The following LIX1L variants were observed in gnomAD, a reference collection of about 807,000 sequenced individuals.
LIX1L encodes limb and CNS expressed 1 like.
A neutral mutation model predicts 34.0 loss-of-function variants in LIX1L; 20 were observed. The ratio of observed to expected loss-of-function variants is 0.59; its 90% CI spans 0.41 to 0.85. The LOEUF is 0.85. Ranked by LOEUF, LIX1L falls within the 40% of genes least tolerant of loss-of-function variation. The pLI is 0.00. For missense variants in LIX1L, 397 were observed against 447.0 expected (o/e 0.89, Z 1.01); for synonymous variants, 170 against 187.4 (o/e 0.91, Z 0.76).
intron 1 of LIX1L, among the ~76,000 whole-genome samples, chr1:145,955,534 C>G (rs1177856236): frequency 6.6e-6 from 1 of 152,066 alleles, no homozygotes; most frequent in Admixed American, 6.6e-5. Flanking sequence ...CAGCCATTCC[C>G]CCAAATAACA....
At chr1:145,955,740 G>C (rs986357450) in intron 1 of LIX1L, among the ~76,000 whole-genome samples, 6 of 152,152 alleles carry the variant, frequency 3.9e-5, no homozygotes, top group African/African-American at 1.4e-4. Context: ...AGAAACTCAA[G>C]AATAATGAGA....
At position 145,957,814 on chromosome 1, in the gene LIX1L, G is replaced by A. The variant is rs1649540733; in HGVS notation, c.114C>T (p.Pro38=). Residue 38 remains proline (P), a synonymous_variant, in exon 1 of 6, where the codon CCC becomes CCT. Transcript: ENST00000604000. ...GCGGGGCAGGCGGGGGGCCCGCAGG[G>A]GGTGTGGCGGTGGCGGCCGCGGCCC... ...VTGAAAATAT[P]PAGPPPAPPP... 3 of 1,386,938 alleles carry A rather than the reference G, an allele frequency of 2.2e-6. No individual in the cohort carries two copies. The highest frequency in any genetic ancestry group is 2.8e-6 in the Non-Finnish European group (3 of 1,073,030). The allele number at this position is 1,386,938 out of a possible 1,614,324, so 85.9% of individuals were successfully genotyped here. A position where few individuals can be genotyped will look rare whatever the true frequency, so the allele number is the denominator to read the frequency against.
chr1:145,935,580 A>C lies in LIX1L; in HGVS notation c.*730T>G, dbSNP rs1354488946. The C allele has an allele frequency of 2.0e-5, 3 of 152,364 alleles. No individual in the cohort carries two copies. The highest frequency in any genetic ancestry group is 7.2e-5 in the African/African-American group (3 of 41,476). The allele number at this position is 152,364 out of a possible 1,614,324, so 9.4% of individuals were successfully genotyped here. On this transcript the variant is annotated 3_prime_UTR_variant, in exon 6 of 6. Coordinates refer to ENST00000604000, the MANE Select transcript of LIX1L (RefSeq NM_153713.3). ...TTAGAGGGAATACTGAAAGAGAATC[A>C]GTTTCAACCATAACCCCCATCTACT...
intron 1 of LIX1L, among the ~76,000 whole-genome samples, chr1:145,953,409 G>A (rs1649367726): frequency 6.6e-6 from 1 of 152,162 alleles, no homozygotes; most frequent in Non-Finnish European, 1.5e-5. Context: ...TGATCATAGA[G>A]GATGGCGAGA....
At chr1:145,956,912 C>A (rs1181578624) in intron 1 of LIX1L, among the ~76,000 whole-genome samples, 1 of 152,126 alleles carries the variant, frequency 6.6e-6, no homozygotes, top group Non-Finnish European at 1.5e-5. Flanking sequence ...ATTGAAAGAG[C>A]CAAGGCCTGG....
At chr1:145,945,384 T>C (rs1386305053) in intron 2 of LIX1L, among the ~76,000 whole-genome samples, 1 of 151,494 alleles carries the variant, frequency 6.6e-6, no homozygotes, top group Admixed American at 6.6e-5. Flanking sequence ...CAAATTACTA[T>C]AATGTTTCAG....
chr1:145,949,038 T>G (rs994585213), intron 1 of LIX1L: 2 of 152,166 alleles, frequency 1.3e-5, no homozygotes, highest in Non-Finnish European at 2.9e-5. Context: ...AATAATAAAT[T>G]CCTTTGTCTC....
Position 145,936,465 on chromosome 1 carries a change from C to T in LIX1L, c.859G>A (p.Val287Met), listed in dbSNP as rs1355796449. 5.0e-6 allele frequency: 8 copies of T among 1,614,090 alleles called. No homozygotes were observed. The highest frequency in any genetic ancestry group is 1.6e-4 in the Middle Eastern group (1 of 6,084). Reference protein sequence around the residue: ...ALDWVSREQSVPGALSRELAS... With the variant: ...ALDWVSREQSMPGALSRELAS... ...AGCTCTCTAGACAGTGCCCCCGGCA[C>T]ACTCTGCTCCCGGCTCACCCAGTCC... is the stretch of plus-strand genomic sequence containing the variant. Residue 287 changes from valine to methionine, a missense_variant, in exon 6 of 6, where the codon GTG becomes ATG. By Grantham distance (21) the Val-to-Met change is conservative. Transcript: ENST00000604000.
At chr1:145,952,633 A>G (rs1450312176) in intron 1 of LIX1L, among the ~76,000 whole-genome samples, 1 of 150,594 alleles carries the variant, frequency 6.6e-6, no homozygotes, top group African/African-American at 2.4e-5. Context: ...TTTTTTTGAG[A>G]CAAAGTCTTG....
Position 145,937,645 on chromosome 1 carries a change from T to A in LIX1L, c.652A>T (p.Met218Leu). Residue 218 changes from methionine (M) to leucine (L), a missense_variant, in exon 4 of 6, where the codon ATG (methionine) becomes TTG (leucine). By Grantham distance (15) the Met-to-Leu change is conservative. Around this residue, in one of 3 missense-constraint regions of LIX1L, gnomAD observed 174 missense variants for 204.0 expected, o/e 0.85. Transcript: ENST00000604000. ...GATTTGCCCTTGTTGGATTCCAGCA[T>A]GAATCGGAAGGCACCAATCCCTGTA... The part of the protein sequence containing the change: ...PNTGIGAFRF[M>L]LESNKGKSML... 6.2e-7 allele frequency: 1 copy of A among 1,613,894 alleles called. No homozygotes were observed. The highest frequency in any genetic ancestry group is 8.5e-7 in the Non-Finnish European group (1 of 1,179,864).
chr1:145,952,725 C>G (rs1284438421), intron 1 of LIX1L, among the ~76,000 whole-genome samples: 1 of 152,026 alleles, frequency 6.6e-6, no homozygotes, highest in African/African-American at 2.4e-5. Context: ...AATTCTCCTG[C>G]TCAGCCTCCC....
chr1:145,948,369 A>G lies in LIX1L; in HGVS notation c.293-587T>C, dbSNP rs1423979821. On this transcript the variant is annotated intron_variant, in intron 1 of 5. Coordinates refer to ENST00000604000, the MANE Select transcript of LIX1L (RefSeq NM_153713.3). This position sits in a 1 kb window ranked among gnomAD's most constrained non-coding sequence, Gnocchi z 4.0. ...ATAACTTGCCCAAGGTTATGCCAGG[A>G]GAAAGTAGCAGTTTGAGTATTCAAA... Among the ~76,000 whole-genome samples the G allele has an allele frequency of 1.3e-5, 2 of 152,240 alleles. No homozygotes were observed. The highest frequency in any genetic ancestry group is 4.8e-5 in the African/African-American group (2 of 41,448).
intron 3 of LIX1L, chr1:145,940,193 T>C (rs1008762456): frequency 6.6e-6 from 1 of 152,084 alleles, no homozygotes; most frequent in Non-Finnish European, 1.5e-5. Context: ...CTTGAACTCC[T>C]GACCTTAGGC....
Position 145,957,799 on chromosome 1 carries a change from C to G in LIX1L, c.129G>C (p.Pro43=), listed in dbSNP as rs1553760616. The G allele has an allele frequency of 1.2e-5, 16 of 1,344,622 alleles. No individual in the cohort carries two copies. Among genetic ancestry groups the G allele is most frequent in the South Asian group, 9.5e-5 (5 of 52,810 alleles). 83.3% of individuals were successfully genotyped at this position (1,344,622 alleles called of 1,614,324 possible). A position where few individuals can be genotyped will look rare whatever the true frequency, so the allele number is the denominator to read the frequency against. ...GCGGTGCGGGAGGCGGCGGGGCAGG[C>G]GGGGGGCCCGCAGGGGGTGTGGCGG... ...AATATPPAGP[P]PAPPPPAPPP... is the part of the protein sequence containing the mutation. Residue 43 remains proline (P), a synonymous_variant, in exon 1 of 6, where the codon CCG becomes CCC. Transcript: ENST00000604000.
In LIX1L at chr1:145,942,343, C is replaced by T. The variant is rs79427625; in HGVS notation, c.597+370G>A. ...GCAGGAGACAAGTGACAATAAAAAA[C>T]AGTCATAAAAAAAGAACTGCAGAAA... is the stretch of plus-strand genomic sequence containing the variant. On this transcript the variant is annotated intron_variant, in intron 3 of 5. Coordinates refer to ENST00000604000, the MANE Select transcript of LIX1L (RefSeq NM_153713.3). 1.4e-3 allele frequency: 221 copies of T among 161,396 alleles called. 2 individuals carry two copies. In the East Asian group the frequency reaches 0.035, roughly 25 times the overall value. 10.0% of individuals were successfully genotyped at this position (161,396 alleles called of 1,614,324 possible). A position where few individuals can be genotyped will look rare whatever the true frequency, so the allele number is the denominator to read the frequency against.
rs141019451 is a variant in LIX1L at position 145,945,191 on chromosome 1, G to A, written c.457-2338C>T. Among the ~76,000 whole-genome samples, 74 of 151,348 alleles carry A rather than the reference G, an allele frequency of 4.9e-4. 1 individual carries two copies. The East Asian group carries it at 0.013, about 28-fold the overall frequency. ...ATACAAAAATTAGCTGGGTGTGGTG[G>A]CCGGAGGCAGAGGCAGGGAGAACTG... On this transcript the variant is annotated intron_variant, in intron 2 of 5. Coordinates refer to ENST00000604000, the MANE Select transcript of LIX1L (RefSeq NM_153713.3).
chr1:145,947,844 T>C, intron 1 of LIX1L, 62 bp from the exon 2 acceptor site: 1 of 1,453,912 alleles, frequency 6.9e-7, no homozygotes, highest in Non-Finnish European at 9.6e-7. Flanking sequence ...GGTGCTATAC[T>C]TCAATACAGT....
chr1:145,956,582 C>T (rs1157143388), intron 1 of LIX1L, among the ~76,000 whole-genome samples: 3 of 152,096 alleles, frequency 2.0e-5, no homozygotes, highest in African/African-American at 7.2e-5. Flanking sequence ...AGAAAATCTA[C>T]AGAAAAGCCC....
chr1:145,937,560 G>A, intron 4 of LIX1L, 44 bp downstream of exon 4: 1 of 1,183,872 alleles, frequency 8.4e-7, no homozygotes, highest in Non-Finnish European at 1.3e-6. Flanking sequence ...ACAGTAGCAG[G>A]CTGACCCATG....
Sources: allele counts gnomAD v4.1 joint callset (sites outside exome capture counted in the v4.1 genomes callset), GRCh38; gene constraint gnomAD v4.1.1; regional missense constraint gnomAD v4.1.1; non-coding constraint Gnocchi (gnomAD v3.1); transcripts MANE v1.5; gene names NCBI Gene and HGNC (gene_info 2026-07-23, HGNC 2026-07-21).